The following CNGA1 variants were observed in gnomAD, a reference collection of about 807,000 sequenced individuals.
CNGA1 encodes cyclic nucleotide-gated channel alpha-1.
CNGA1 carries 53 observed loss-of-function variants against 69.7 expected under a neutral mutation model. The observed-to-expected ratio is 0.76, with a 90% CI of 0.61 to 0.96. The LOEUF is 0.96. Ranked by LOEUF, CNGA1 falls within the 40% of genes least tolerant of loss-of-function variation. The probability of loss-of-function intolerance (pLI) is 0.00; values close to 1 mark genes in which losing one functional copy is unlikely to be tolerated. For synonymous variants in CNGA1, 249 were observed against 283.5 expected (o/e 0.88, Z 1.22); for missense variants, 739 against 811.2 (o/e 0.91, Z 1.08).
intron 2 of CNGA1, among the ~76,000 whole-genome samples, chr4:47,998,243 A>G (rs1373834985): frequency 6.6e-6 from 1 of 152,226 alleles, no homozygotes; most frequent in African/African-American, 2.4e-5. Flanking sequence ...TTTTCAGAGC[A>G]AAGTACTAGA....
At chr4:48,001,998 AACATTATTAAT>A (rs11268456) in intron 2 of CNGA1, among the ~76,000 whole-genome samples, 17,942 of 152,174 alleles carry the variant, frequency 0.12, 1,687 homozygotes, top group East Asian at 0.31. Flanking sequence ...AATGATAATA[AACATTATTAAT>A]AAACACAATA....
Position 47,976,151 on chromosome 4 carries a change from A to G in CNGA1, c.-15+5242T>C, listed in dbSNP as rs533090988. Among the ~76,000 whole-genome samples, 52 of 34,470 alleles carry G rather than the reference A, an allele frequency of 1.5e-3. 1 individual carries two copies. Among genetic ancestry groups the G allele is most frequent in the South Asian group, 2.8e-3 (3 of 1,068 alleles). 22.6% of individuals were successfully genotyped at this position (34,470 alleles called of 152,430 possible). Reference sequence around the variant, plus strand: ...TCCCTAAGCATTTACTTTCATATGTATATATATATATATATATATACACAT... The same window carrying G: ...TCCCTAAGCATTTACTTTCATATGTGTATATATATATATATATATACACAT... On this transcript the variant is annotated intron_variant, in intron 3 of 10. Transcript: ENST00000514170.
intron 2 of CNGA1, among the ~76,000 whole-genome samples, chr4:48,003,840 G>A (rs934033606): frequency 6.6e-6 from 1 of 152,288 alleles, no homozygotes; most frequent in Admixed American, 6.5e-5. Context: ...TGGTCTAGTG[G>A]TAGCATTAGT....
chr4:48,013,660 C>G (rs970932679), intron 1 of CNGA1, among the ~76,000 whole-genome samples: 1 of 152,192 alleles, frequency 6.6e-6, no homozygotes, highest in Admixed American at 6.5e-5. Flanking sequence ...TGGCCCTAAG[C>G]AGTTCCAAGC....
At chr4:47,968,532 T>C (rs187795724) in intron 3 of CNGA1, among the ~76,000 whole-genome samples, 176 of 152,104 alleles carry the variant, frequency 1.2e-3, no homozygotes, top group Non-Finnish European at 2.0e-3. Flanking sequence ...GCTACAAAAG[T>C]GTTAGTAATG....
At chr4:48,011,264 A>G (rs745951584) in intron 1 of CNGA1, among the ~76,000 whole-genome samples, 2 of 151,328 alleles carry the variant, frequency 1.3e-5, no homozygotes, top group Admixed American at 6.6e-5. Context: ...TGCAATAGAT[A>G]TTAATGAAGA....
chr4:48,001,040 A>T (rs1714644906), intron 2 of CNGA1, among the ~76,000 whole-genome samples: 1 of 152,268 alleles, frequency 6.6e-6, no homozygotes, highest in Admixed American at 6.5e-5. Context: ...TAAAAGGCTA[A>T]TTAAAAGCAA....
intron 6 of CNGA1, among the ~76,000 whole-genome samples, chr4:47,948,185 CA>C (rs34818304): frequency 0.01 from 1,458 of 143,482 alleles, 10 homozygotes; most frequent in African/African-American, 0.029. Flanking sequence ...CACTTTAAGG[CA>C]AAAAAAAAAA....
chr4:47,965,990 G>A (rs1173755252), intron 3 of CNGA1, among the ~76,000 whole-genome samples: 1 of 152,182 alleles, frequency 6.6e-6, no homozygotes. Context: ...TCTTTGAATT[G>A]AAATTTGTGA....
chr4:47,970,577 G>T (rs916825916), intron 3 of CNGA1, among the ~76,000 whole-genome samples: 7 of 151,786 alleles, frequency 4.6e-5, no homozygotes, highest in African/African-American at 1.7e-4. Flanking sequence ...ACTTGAACCA[G>T]GGAAGTGGAG....
At chr4:47,995,072 T>C (rs996920768) in intron 2 of CNGA1, among the ~76,000 whole-genome samples, 5 of 152,220 alleles carry the variant, frequency 3.3e-5, no homozygotes, top group African/African-American at 1.2e-4. Context: ...CTTTCCTTTA[T>C]AGGCTACCTG....
At chr4:47,985,885 A>G (rs1432473483) in intron 2 of CNGA1, among the ~76,000 whole-genome samples, 1 of 152,162 alleles carries the variant, frequency 6.6e-6, no homozygotes, top group Non-Finnish European at 1.5e-5. Flanking sequence ...CCTTATTTGT[A>G]AAATGGAAAT....
intron 3 of CNGA1, among the ~76,000 whole-genome samples, chr4:47,976,381 T>A (rs944068923): frequency 2.7e-5 from 4 of 147,408 alleles, no homozygotes; most frequent in African/African-American, 7.5e-5. Context: ...TGGGTACAGG[T>A]GAATGTCTTA....
intron 8 of CNGA1, chr4:47,942,848 C>A: frequency 5.3e-6 from 1 of 189,160 alleles, no homozygotes; most frequent in Non-Finnish European, 1.1e-5. Flanking sequence ...TTGTAGGATC[C>A]TAGAAACCTA....
intron 3 of CNGA1, among the ~76,000 whole-genome samples, chr4:47,958,843 G>A (rs1227166426): frequency 1.3e-5 from 2 of 152,178 alleles, no homozygotes; most frequent in Admixed American, 1.3e-4. Flanking sequence ...TAGCATTAAA[G>A]TGGAATCAAT....
chr4:48,001,877 A>C (rs1714677881), intron 2 of CNGA1, among the ~76,000 whole-genome samples: 1 of 152,236 alleles, frequency 6.6e-6, no homozygotes, highest in African/African-American at 2.4e-5. Context: ...AACCAATAAC[A>C]GAAGGATATC....
intron 8 of CNGA1, among the ~76,000 whole-genome samples, chr4:47,942,363 T>G (rs1739137059): frequency 6.5e-5 from 1 of 15,432 alleles, no homozygotes; most frequent in East Asian, 1.6e-3. Flanking sequence ...CTACCAGTTT[T>G]TTTTTTTTTT....
intron 2 of CNGA1, among the ~76,000 whole-genome samples, chr4:47,982,158 A>ATATG (rs1414401660): frequency 6.6e-6 from 1 of 152,256 alleles, no homozygotes; most frequent in African/African-American, 2.4e-5. Context: ...TTTATGCAAT[A>ATATG]TATGACAGGC....
At chr4:47,976,170 TAC>T (rs1159606020) in intron 3 of CNGA1, among the ~76,000 whole-genome samples, 3 of 48,560 alleles carry the variant, frequency 6.2e-5, no homozygotes, top group African/African-American at 2.9e-4. Flanking sequence ...TATATATATA[TAC>T]ACATACATAT....
Sources: gnomAD v4.1 joint callset for allele counts (sites outside exome capture counted in the v4.1 genomes callset) on GRCh38, gnomAD v4.1.1 for gene constraint, MANE v1.5 for transcripts, NCBI Gene and HGNC (gene_info 2026-07-23, HGNC 2026-07-21) for gene names.